Variants in ARHGAP23 observed in about 807,000 individuals in gnomAD.
ARHGAP23 encodes the protein rho GTPase-activating protein 23.
A neutral mutation model predicts 136.3 loss-of-function variants in ARHGAP23; 34 were observed. That is an observed-to-expected ratio of 0.25 (90% CI 0.19 to 0.33). The LOEUF is 0.33. ARHGAP23 is among the 10% of genes least tolerant of loss of function. The probability of loss-of-function intolerance (pLI) is 1.00; values close to 1 mark genes in which losing one functional copy is unlikely to be tolerated. For synonymous variants in ARHGAP23, 832 were observed against 920.5 expected (o/e 0.90, Z 1.74); for missense variants, 1,808 against 2,139.0 (o/e 0.85, Z 3.05).
At position 38,458,139 on chromosome 17, in the gene ARHGAP23, G is replaced by C; in HGVS notation, c.101G>C (p.Arg34Pro). ...CCAAGAGATGGGTGCTCTCCTAGGC[G>C]CCCCTTCCCCTGGCAGGGGCCGAGG... Reference protein sequence around the residue: ...LGPRDGCSPRRPFPWQGPRTL... With the variant: ...LGPRDGCSPRPPFPWQGPRTL... Residue 34 changes from arginine to proline, a missense_variant, in exon 2 of 24, where the codon CGC becomes CCC. Around this residue, in one of 7 missense-constraint regions of ARHGAP23, gnomAD observed 859 missense variants for 936.4 expected, o/e 0.92. Coordinates refer to ENST00000622683, the MANE Select transcript of ARHGAP23 (RefSeq NM_001199417.2). 6.5e-6 allele frequency: 10 copies of C among 1,536,106 alleles called. No individual in the cohort carries two copies. Among genetic ancestry groups the C allele is most frequent in the Non-Finnish European group, 8.7e-6 (10 of 1,146,894 alleles).
chr17:38,458,171 C>T lies in ARHGAP23; in HGVS notation c.133C>T (p.Leu45=). ...PFPWQGPRTL[L]LYKSPQDGFG... The stretch of plus-strand genomic sequence containing the variant: ...CCCCTGGCAGGGGCCGAGGACGCTG[C>T]TGCTGTACAAAAGTCCCCAGGACGG... The change falls in exon 2 of 24, where the codon CTG becomes TTG. Residue 45 remains leucine, a synonymous_variant. Coordinates refer to ENST00000622683, the MANE Select transcript of ARHGAP23 (RefSeq NM_001199417.2). 1 of 1,536,154 alleles carries T rather than the reference C, an allele frequency of 6.5e-7. No individual in the cohort carries two copies. Among genetic ancestry groups the T allele is most frequent in the South Asian group, 1.2e-5 (1 of 84,058 alleles).
chr17:38,473,176 A>G (rs1597806696), intron 11 of ARHGAP23, among the ~76,000 whole-genome samples: 1 of 148,366 alleles, frequency 6.7e-6, no homozygotes, highest in Non-Finnish European at 1.5e-5. Flanking sequence ...CTGGTCTCGA[A>G]CTCCTGACCT....
At chr17:38,454,122 C>G (rs1199862435) in intron 1 of ARHGAP23, 1 of 151,460 alleles carries the variant, frequency 6.6e-6, no homozygotes, top group Non-Finnish European at 1.5e-5. Context: ...GCCGCGCGCC[C>G]GGGCCGCGCC....
At chr17:38,441,996 G>A (rs904989279) in intron 1 of ARHGAP23, among the ~76,000 whole-genome samples, 6 of 151,152 alleles carry the variant, frequency 4.0e-5, no homozygotes, top group African/African-American at 1.5e-4. Flanking sequence ...TGGCTCTGTC[G>A]CCCAGGCTGG....
At chr17:38,475,846 T>A (rs2039880396) in intron 11 of ARHGAP23, among the ~76,000 whole-genome samples, 1 of 152,116 alleles carries the variant, frequency 6.6e-6, no homozygotes, top group East Asian at 1.9e-4. Context: ...AAGCGGGAGC[T>A]GCATTGAGGG....
Position 38,450,101 on chromosome 17 carries a change from C to T in ARHGAP23, c.64-8001C>T, listed in dbSNP as rs565987815. ...TCCCAGAGAGAAGAGGCCCTGTGCA[C>T]CTGAGAGCAGGGCTCCCTTGGTTTG... On this transcript the variant is annotated intron_variant, in intron 1 of 23. Transcript: ENST00000622683. 8.3e-4 allele frequency among the ~76,000 whole-genome samples: 127 copies of T among 152,312 alleles called. 3 individuals are homozygous for T. In the South Asian group the frequency reaches 0.026, roughly 31 times the overall value.
intron 1 of ARHGAP23, among the ~76,000 whole-genome samples, chr17:38,429,108 A>T (rs1206989829): frequency 6.6e-6 from 1 of 152,192 alleles, no homozygotes; most frequent in Non-Finnish European, 1.5e-5. Flanking sequence ...GCCCTCCTGG[A>T]TCCTGGGGAA....
rs144736418 is a variant in ARHGAP23, at chr17:38,473,078, A to C, written c.2118+1072A>C. ...CAGCCTCCTGGGTAGCTGGGACTAC[A>C]GGCACTCACCACCAAACCCGGCTAA... On this transcript the variant is annotated intron_variant, in intron 11 of 23. Transcript: ENST00000622683. Among the ~76,000 whole-genome samples the C allele has an allele frequency of 7.8e-3, 1,161 of 149,406 alleles. 3 individuals carry two copies. Among genetic ancestry groups the C allele is most frequent in the Middle Eastern group, 0.022 (6 of 278 alleles).
intron 16 of ARHGAP23, among the ~76,000 whole-genome samples, 161 bp downstream of exon 16, chr17:38,482,839 C>T (rs1271322257): frequency 6.6e-6 from 1 of 152,196 alleles, no homozygotes; most frequent in African/African-American, 2.4e-5. Flanking sequence ...GACCTGCCCC[C>T]GCTGGCCAGC....
intron 11 of ARHGAP23, among the ~76,000 whole-genome samples, chr17:38,476,232 A>G (rs1445812300): frequency 6.6e-6 from 1 of 152,166 alleles, no homozygotes; most frequent in Non-Finnish European, 1.5e-5. Flanking sequence ...CAGGAGCGAG[A>G]GTAGAGACTG....
chr17:38,504,942 T>C (rs2040597234), intron 23 of ARHGAP23, among the ~76,000 whole-genome samples: 1 of 133,550 alleles, frequency 7.5e-6, no homozygotes, highest in Admixed American at 9.0e-5. Flanking sequence ...GTGGGTGGAG[T>C]GGAGCTGTTC....
intron 1 of ARHGAP23, among the ~76,000 whole-genome samples, chr17:38,446,375 G>A (rs2086580064): frequency 1.3e-5 from 2 of 151,768 alleles, no homozygotes; most frequent in African/African-American, 2.4e-5. Flanking sequence ...TTCATATCAT[G>A]TATGTATTAT....
At chr17:38,506,136 C>T (rs1381924980) in intron 23 of ARHGAP23, among the ~76,000 whole-genome samples, 2 of 152,162 alleles carry the variant, frequency 1.3e-5, no homozygotes, top group African/African-American at 2.4e-5. Context: ...CTTTGGTCAT[C>T]GCTGATTCCT....
chr17:38,463,300 C>T, intron 5 of ARHGAP23, 28 bp from the exon 6 acceptor site: 1 of 1,551,686 alleles, frequency 6.4e-7, no homozygotes, highest in Non-Finnish European at 8.7e-7. Flanking sequence ...TTCCTTGACC[C>T]AGCCTGACGT....
intron 20 of ARHGAP23, among the ~76,000 whole-genome samples, chr17:38,497,418 C>A (rs1452137826): frequency 1.3e-5 from 2 of 152,214 alleles, no homozygotes; most frequent in Admixed American, 1.3e-4. Flanking sequence ...GCCTCCCTGC[C>A]CCCCGGCTCG....
intron 6 of ARHGAP23, among the ~76,000 whole-genome samples, 191 bp downstream of exon 6, chr17:38,463,573 G>T (rs757381033): frequency 6.6e-5 from 10 of 152,284 alleles, no homozygotes; most frequent in Admixed American, 2.6e-4. Context: ...GGGAGCGGGA[G>T]ACCTGGCCTT....
At position 38,510,317 on chromosome 17, in the gene ARHGAP23, A is replaced by G. The variant is rs1304750668; in HGVS notation, c.3821A>G (p.Glu1274Gly). 1 of 1,266,014 alleles carries G rather than the reference A, an allele frequency of 7.9e-7. No individual in the cohort carries two copies. The allele number at this position is 1,266,014 out of a possible 1,614,324, so 78.4% of individuals were successfully genotyped here. The change falls in exon 24 of 24, where the codon GAG becomes GGG. Residue 1274 changes from glutamate to glycine, a missense_variant. By Grantham distance (98) the Glu-to-Gly change is moderately conservative (BLOSUM62 -2). This residue lies in a region of ARHGAP23 where 506 missense variants were observed against 455.8 expected (regional missense o/e 1.11). Coordinates refer to ENST00000622683, the MANE Select transcript of ARHGAP23 (RefSeq NM_001199417.2). This position sits in a 1 kb window ranked among gnomAD's most constrained non-coding sequence, Gnocchi z 4.6. ...ASGRRAGAGD[E>G]ADDERSELSH... The stretch of plus-strand genomic sequence containing the variant: ...GGTCGGCGGGCAGGGGCGGGGGATG[A>G]GGCGGACGACGAGCGTAGCGAGCTG...
intron 23 of ARHGAP23, among the ~76,000 whole-genome samples, chr17:38,503,496 G>A (rs943080164): frequency 2.6e-5 from 4 of 152,150 alleles, no homozygotes; most frequent in Admixed American, 6.5e-5. Context: ...GCCGTGCCCC[G>A]CCCCTTTGGG....
At chr17:38,447,212 C>G (rs185250044) in intron 1 of ARHGAP23, among the ~76,000 whole-genome samples, 3 of 151,944 alleles carry the variant, frequency 2.0e-5, no homozygotes, top group Non-Finnish European at 4.4e-5. Context: ...GAGGCCGAGG[C>G]GGGTGGATCA....
Sources: allele counts gnomAD v4.1 joint callset (sites outside exome capture counted in the v4.1 genomes callset), GRCh38; gene constraint gnomAD v4.1.1; regional missense constraint gnomAD v4.1.1; non-coding constraint Gnocchi (gnomAD v3.1); transcripts MANE v1.5; gene names NCBI Gene and HGNC (gene_info 2026-07-23, HGNC 2026-07-21).